Variants in ENOX2 observed in about 807,000 individuals in gnomAD.
ENOX2 encodes the protein APK1 antigen.
A neutral mutation model predicts 45.0 loss-of-function variants in ENOX2; 36 were observed. That is an observed-to-expected ratio of 0.80 (90% CI 0.61 to 1.06). ENOX2 has a LOEUF of 1.06. ENOX2 is among the 50% of genes least tolerant of loss of function. The pLI is 0.00. For synonymous variants in ENOX2, 174 were observed against 152.3 expected, an observed-to-expected ratio of 1.14 and a Z score of -1.05; for missense variants, 423 against 462.5, an observed-to-expected ratio of 0.91 and a Z score of 0.78.
intron 2 of ENOX2, among the ~76,000 whole-genome samples, chrX:130,858,323 G>A (rs1296306781): frequency 1.8e-5 from 2 of 109,523 alleles, no homozygotes; most frequent in Non-Finnish European, 3.8e-5. Context: ...GCCATGCTTT[G>A]GCCAGGCTGG....
Position 130,679,573 on chromosome X carries a change from C to A in ENOX2, c.429G>T (p.Glu143Asp). ...KNFCHIRFAE[E>D]YMVDKALYLS... ...GATACAGGGCTTTGTCCACCATGTA[C>A]TCCTCAGCAAAGCGAATGTGGCAGA... Residue 143 changes from glutamate to aspartate, a missense_variant, in exon 6 of 15, where the codon GAG (glutamate) becomes GAT (aspartate). Glu to Asp is a conservative substitution (Grantham distance 45). Coordinates refer to ENST00000394363, the MANE Select transcript of ENOX2 (RefSeq NM_006375.4). 5.8e-6 allele frequency: 7 copies of A among 1,210,690 alleles called. No homozygotes were observed. The highest frequency in any genetic ancestry group is 7.8e-6 in the Non-Finnish European group (7 of 894,490).
intron 4 of ENOX2, among the ~76,000 whole-genome samples, chrX:130,691,088 C>G (rs1403460130): frequency 1.1e-5 from 1 of 92,442 alleles, no homozygotes; most frequent in Non-Finnish European, 2.1e-5. Context: ...GCTCTCATAT[C>G]TATACTCTAC....
intron 2 of ENOX2, among the ~76,000 whole-genome samples, chrX:130,848,832 CA>C (rs1048909973): frequency 1.8e-5 from 2 of 108,663 alleles, no homozygotes; most frequent in Non-Finnish European, 3.8e-5. Context: ...AAAAAAAAAC[CA>C]AAAAAAAACT....
At chrX:130,699,535 A>T (rs1481051752) in intron 4 of ENOX2, among the ~76,000 whole-genome samples, 1 of 111,823 alleles carries the variant, frequency 8.9e-6, no homozygotes, top group East Asian at 2.8e-4. Context: ...TGAGCCTTTG[A>T]TGGGTGACTT....
Position 130,824,172 on chromosome X carries a change from C to A in ENOX2, c.-182-40482G>T, listed in dbSNP as rs182208357. On this transcript the variant is annotated intron_variant, in intron 2 of 14. Coordinates refer to ENST00000394363, the MANE Select transcript of ENOX2 (RefSeq NM_006375.4). ...TTTTTTCCAGGTTGAAAGAAATATA[C>A]CGAATTATTTACCTAGCTTCCTTTT... Among the ~76,000 whole-genome samples the A allele has an allele frequency of 3.4e-4, 38 of 111,369 alleles. No individual in the cohort carries two copies. In the East Asian group the frequency reaches 0.011, roughly 31 times the overall value.
chrX:130,898,356 A>T (rs1202392865), intron 2 of ENOX2, among the ~76,000 whole-genome samples: 6 of 112,148 alleles, frequency 5.4e-5, no homozygotes, highest in African/African-American at 1.6e-4. Flanking sequence ...TTAGAAAATA[A>T]AAATACGCAA....
At chrX:130,860,453 G>A (rs1273669777) in intron 2 of ENOX2, among the ~76,000 whole-genome samples, 2 of 111,160 alleles carry the variant, frequency 1.8e-5, no homozygotes, top group African/African-American at 3.3e-5. Flanking sequence ...TTTCCACTTC[G>A]ATGTCTAGTA....
intron 2 of ENOX2, among the ~76,000 whole-genome samples, chrX:130,797,646 G>A (rs1377942391): frequency 9.0e-6 from 1 of 111,635 alleles, no homozygotes; most frequent in African/African-American, 3.3e-5. Flanking sequence ...AAGAGCAGGT[G>A]AACTAAGGCT....
At chrX:130,857,022 TATTC>T (rs1402133066) in intron 2 of ENOX2, among the ~76,000 whole-genome samples, 2 of 111,967 alleles carry the variant, frequency 1.8e-5, no homozygotes, top group African/African-American at 3.2e-5. Context: ...ATAGCAGACT[TATTC>T]ATAATACAGA....
chrX:130,760,483 G>T (rs1340280751), intron 3 of ENOX2, among the ~76,000 whole-genome samples: 4 of 110,552 alleles, frequency 3.6e-5, no homozygotes, highest in Non-Finnish European at 7.6e-5. Flanking sequence ...TAGGTGCTTT[G>T]TGAATTCTCT....
intron 5 of ENOX2, among the ~76,000 whole-genome samples, chrX:130,684,439 C>T (rs939217794): frequency 2.7e-5 from 3 of 111,888 alleles, no homozygotes; most frequent in Non-Finnish European, 5.6e-5. Flanking sequence ...TAGACACACC[C>T]AGAATAGTCT....
intron 3 of ENOX2, among the ~76,000 whole-genome samples, chrX:130,754,488 G>C (rs898548089): frequency 2.4e-4 from 27 of 111,354 alleles, no homozygotes; most frequent in African/African-American, 8.5e-4. Flanking sequence ...AATCAACCCA[G>C]GTACCTATCA....
intron 3 of ENOX2, among the ~76,000 whole-genome samples, chrX:130,754,546 C>T (rs2039305403): frequency 8.9e-6 from 1 of 111,851 alleles, no homozygotes; most frequent in African/African-American, 3.2e-5. Context: ...CTGTGGAATA[C>T]TATGCAGCCA....
intron 2 of ENOX2, among the ~76,000 whole-genome samples, chrX:130,851,504 G>A (rs1048815277): frequency 9.6e-6 from 1 of 103,684 alleles, no homozygotes; most frequent in African/African-American, 3.6e-5. Context: ...GTAAATGGAT[G>A]TATTTTTATA....
chrX:130,844,772 C>T (rs900821385), intron 2 of ENOX2, among the ~76,000 whole-genome samples: 3 of 111,781 alleles, frequency 2.7e-5, no homozygotes, highest in Non-Finnish European at 5.6e-5. Context: ...GTGGAGGAAT[C>T]GTGGCTCCAG....
At chrX:130,752,670 TTTTCTGCCTGTC>T (rs1278171713) in intron 3 of ENOX2, among the ~76,000 whole-genome samples, 3 of 111,107 alleles carry the variant, frequency 2.7e-5, no homozygotes, top group African/African-American at 9.8e-5. Flanking sequence ...GTCTTCCTGT[TTTTCTGCCTGTC>T]TGTCTCTTAG....
At chrX:130,831,093 CT>C (rs771273384) in intron 2 of ENOX2, among the ~76,000 whole-genome samples, 1 of 111,038 alleles carries the variant, frequency 9.0e-6, no homozygotes, top group African/African-American at 3.3e-5. Flanking sequence ...AAACTTCTAT[CT>C]TTTTATCAGA....
intron 3 of ENOX2, among the ~76,000 whole-genome samples, chrX:130,729,065 G>C (rs951895791): frequency 3.6e-5 from 4 of 111,159 alleles, no homozygotes; most frequent in Non-Finnish European, 7.5e-5. Context: ...TTCCAAGGGG[G>C]AAGTGACTAC....
intron 3 of ENOX2, among the ~76,000 whole-genome samples, chrX:130,760,712 G>A (rs1204514987): frequency 1.0e-5 from 1 of 98,968 alleles, no homozygotes; most frequent in African/African-American, 3.8e-5. Context: ...CTTGAACCTG[G>A]GAGGTGGAGG....
Sources: gnomAD v4.1 joint callset for allele counts (sites outside exome capture counted in the v4.1 genomes callset) on GRCh38, gnomAD v4.1.1 for gene constraint, MANE v1.5 for transcripts, NCBI Gene and HGNC (gene_info 2026-07-23, HGNC 2026-07-21) for gene names.